DHRS7B: variants seen among roughly 807,000 people sequenced by gnomAD.
The protein encoded by DHRS7B is peroxisomal reductase activating PPAR-gamma.
A neutral mutation model predicts 26.4 loss-of-function variants in DHRS7B; 24 were observed. That is an observed-to-expected ratio of 0.91 (90% CI 0.66 to 1.28). DHRS7B has a LOEUF of 1.28. DHRS7B is among the 50% of genes most tolerant of loss of function. The pLI, the probability that DHRS7B is intolerant of heterozygous loss-of-function variation, is 0.00. For missense variants in DHRS7B, 368 were observed against 419.4 expected (o/e 0.88, Z 1.07); for synonymous variants, 142 against 166.4 (o/e 0.85, Z 1.13).
rs376788745 is a variant in DHRS7B, at chr17:21,142,420, T to C, written c.20+15429T>C. Among the ~76,000 whole-genome samples, 59 of 152,270 alleles carry C rather than the reference T, an allele frequency of 3.9e-4. 1 individual carries two copies. In the East Asian group the frequency reaches 7.0e-3, roughly 18 times the overall value. Reference sequence around the variant, plus strand: ...TGGTTCCTAGGCACCGGGCTACCTGTCTTTAGTTTCGCTTCTCTTTCCTTT... The same window carrying C: ...TGGTTCCTAGGCACCGGGCTACCTGCCTTTAGTTTCGCTTCTCTTTCCTTT... On this transcript the variant is annotated intron_variant, in intron 1 of 6. Coordinates refer to ENST00000395511, the MANE Select transcript of DHRS7B (RefSeq NM_015510.5).
chr17:21,137,010 A>T (rs1182818430), intron 1 of DHRS7B, among the ~76,000 whole-genome samples: 1 of 148,256 alleles, frequency 6.7e-6, no homozygotes, highest in African/African-American at 2.5e-5. Flanking sequence ...TCACTCTGTC[A>T]CCCAGGCTGG....
chr17:21,173,135 A>T (rs949559872), intron 2 of DHRS7B, among the ~76,000 whole-genome samples: 5 of 152,246 alleles, frequency 3.3e-5, no homozygotes, highest in Admixed American at 2.0e-4. Context: ...CAGATGAAAG[A>T]CAGGGTCCCT....
intron 6 of DHRS7B, 92 bp downstream of exon 6, chr17:21,188,955 T>G: frequency 6.5e-7 from 1 of 1,546,816 alleles, no homozygotes; most frequent in African/African-American, 1.4e-5. Flanking sequence ...TTTGGTCATT[T>G]TCATTTGGAA....
intron 2 of DHRS7B, among the ~76,000 whole-genome samples, chr17:21,173,008 G>A (rs901039945): frequency 2.6e-5 from 4 of 152,228 alleles, no homozygotes; most frequent in South Asian, 2.1e-4. Context: ...AAGCTGAGGA[G>A]TTCCCTGAAT....
At chr17:21,178,170 G>A in intron 2 of DHRS7B, 63 bp from the exon 3 acceptor site, 1 of 1,506,954 alleles carries the variant, frequency 6.6e-7, no homozygotes, top group Non-Finnish European at 9.2e-7. Flanking sequence ...GCAACGCTGG[G>A]TGAATTTAAA....
At chr17:21,170,191 CT>C (rs1407876347) in intron 1 of DHRS7B, among the ~76,000 whole-genome samples, 1 of 152,158 alleles carries the variant, frequency 6.6e-6, no homozygotes, top group African/African-American at 2.4e-5. Context: ...CCTCCTTCCC[CT>C]AGGAAACCCT....
At chr17:21,176,638 G>A (rs773835311) in intron 2 of DHRS7B, among the ~76,000 whole-genome samples, 13 of 151,868 alleles carry the variant, frequency 8.6e-5, no homozygotes, top group Non-Finnish European at 1.9e-4. Context: ...ATACAAAAAT[G>A]ACAATTGACA....
rs189321388 is a variant in DHRS7B at position 21,182,638 on chromosome 17, T to G, written c.310-956T>G. 5.9e-3 allele frequency among the ~76,000 whole-genome samples: 898 copies of G among 152,260 alleles called. 9 individuals are homozygous for G. Among genetic ancestry groups the G allele is most frequent in the African/African-American group, 0.02 (835 of 41,556 alleles). On this transcript the variant is annotated intron_variant, in intron 3 of 6. Transcript: ENST00000395511. The stretch of plus-strand genomic sequence containing the variant: ...CCTGGGCTCAAGCAAGCCTCCCTCC[T>G]CAGCCTCCCAAAGTGCTGGGGATTA...
intron 1 of DHRS7B, among the ~76,000 whole-genome samples, chr17:21,157,092 A>C: frequency 6.6e-6 from 1 of 152,136 alleles, no homozygotes; most frequent in East Asian, 1.9e-4. Flanking sequence ...TCCCAACAGA[A>C]AGCACCAAGC....
At chr17:21,183,845 T>C (rs1418681008) in intron 4 of DHRS7B, 35 bp downstream of exon 4, 4 of 1,565,338 alleles carry the variant, frequency 2.6e-6, no homozygotes, top group Middle Eastern at 1.7e-4. Context: ...TGATAAGTGA[T>C]ATGTTGGCAT....
At chr17:21,172,409 C>A in intron 2 of DHRS7B, 2 of 171,172 alleles carry the variant, frequency 1.2e-5, no homozygotes, top group Non-Finnish European at 1.0e-5. Flanking sequence ...GGGTGGGAGG[C>A]AAGTGTGAGA....
chr17:21,185,691 GT>G (rs1008138249), intron 5 of DHRS7B, among the ~76,000 whole-genome samples: 103 of 145,430 alleles, frequency 7.1e-4, no homozygotes, highest in Admixed American at 1.4e-3. Context: ...GGGTAAAGAG[GT>G]TTTTTTTTTT....
intron 1 of DHRS7B, among the ~76,000 whole-genome samples, chr17:21,145,365 G>T (rs1243163391): frequency 6.6e-6 from 1 of 151,858 alleles, no homozygotes; most frequent in Non-Finnish European, 1.5e-5. Context: ...TTAAATTATA[G>T]TACTTAATGG....
intron 4 of DHRS7B, 87 bp from the exon 5 acceptor site, chr17:21,184,280 CTAAA>C (rs1269152690): frequency 1.7e-6 from 2 of 1,161,392 alleles, no homozygotes; most frequent in Non-Finnish European, 2.5e-6. Flanking sequence ...CTCATTCTGA[CTAAA>C]TATCAAAAGC....
At chr17:21,130,905 G>A (rs1401557742) in intron 1 of DHRS7B, among the ~76,000 whole-genome samples, 1 of 152,150 alleles carries the variant, frequency 6.6e-6, no homozygotes, top group Non-Finnish European at 1.5e-5. Flanking sequence ...GGGATTGAAT[G>A]GTGTGTAAAT....
intron 3 of DHRS7B, among the ~76,000 whole-genome samples, chr17:21,179,346 C>T (rs917950954): frequency 6.6e-6 from 1 of 152,104 alleles, no homozygotes; most frequent in Non-Finnish European, 1.5e-5. Flanking sequence ...CCTGTAATTC[C>T]AGCACTTTGG....
In DHRS7B at chr17:21,178,916, G is replaced by A. The variant is rs190634511; in HGVS notation, c.309+574G>A. Among the ~76,000 whole-genome samples the A allele has an allele frequency of 5.3e-5, 8 of 152,120 alleles. No individual in the cohort carries two copies. The East Asian group carries it at 1.2e-3, about 22-fold the overall frequency. On this transcript the variant is annotated intron_variant, in intron 3 of 6. Transcript: ENST00000395511. ...GATCTGCCCGCCTCAGCCTCCCAAAGTGCTGGGATTACAGGCGTGAGCCAC... is the reference window on the plus strand; with the variant it reads ...GATCTGCCCGCCTCAGCCTCCCAAAATGCTGGGATTACAGGCGTGAGCCAC...
chr17:21,133,977 T>G (rs532701856), intron 1 of DHRS7B, among the ~76,000 whole-genome samples: 2 of 152,250 alleles, frequency 1.3e-5, no homozygotes, highest in East Asian at 3.9e-4. Context: ...TTGCAGGGCT[T>G]TAAGAAAGCA....
At chr17:21,132,538 A>AC (rs1233858465) in intron 1 of DHRS7B, among the ~76,000 whole-genome samples, 24 of 147,964 alleles carry the variant, frequency 1.6e-4, no homozygotes, top group African/African-American at 5.3e-4. Flanking sequence ...CTCAAAAAAA[A>AC]AAAAAAAAAA....
Sources: allele counts gnomAD v4.1 joint callset (sites outside exome capture counted in the v4.1 genomes callset), GRCh38; gene constraint gnomAD v4.1.1; transcripts MANE v1.5; gene names NCBI Gene and HGNC (gene_info 2026-07-23, HGNC 2026-07-21).